The following NAV1 variants were observed in gnomAD, a reference collection of about 807,000 sequenced individuals.
The protein encoded by NAV1 is neuron navigator 1, also known as pore membrane and/or filament interacting like protein 3.
A neutral mutation model predicts 175.2 loss-of-function variants in NAV1; 18 were observed. The observed-to-expected ratio is 0.10, with a 90% CI of 0.07 to 0.15. NAV1 has a LOEUF of 0.15. Ranked by LOEUF, NAV1 falls within the 10% of genes least tolerant of loss-of-function variation. The pLI is 1.00. For synonymous variants in NAV1, 897 were observed against 978.7 expected, an observed-to-expected ratio of 0.92 and a Z score of 1.56; for missense variants, 1,731 against 2,436.6, an observed-to-expected ratio of 0.71 and a Z score of 6.10.
intron 1 of NAV1, among the ~76,000 whole-genome samples, chr1:201,667,026 G>C (rs906785246): frequency 3.3e-5 from 5 of 152,192 alleles, no homozygotes; most frequent in African/African-American, 1.2e-4. Context: ...ATTCACCTGA[G>C]AGTGTGGGCG....
At chr1:201,742,580 A>C (rs1445952614) in intron 3 of NAV1, among the ~76,000 whole-genome samples, 1 of 152,078 alleles carries the variant, frequency 6.6e-6, no homozygotes, top group Non-Finnish European at 1.5e-5. Flanking sequence ...CCAAGCATGA[A>C]GTCCAGGCAT....
At position 201,810,881 on chromosome 1, in the gene NAV1, C is replaced by A. The variant is rs777731109; in HGVS notation, c.4797+123C>A. On this transcript the variant is annotated intron_variant, in intron 24 of 29. Transcript: ENST00000367296. The surrounding 1 kb of genome is among the most constrained non-coding windows in gnomAD (Gnocchi z 6.0). ...TCACCTCTGCCTTCATCTTTCTTCT[C>A]TTCTGTGTTCATTTCCTTCCCTCTC... is the stretch of plus-strand genomic sequence containing the variant. 3 of 697,598 alleles carry A rather than the reference C, an allele frequency of 4.3e-6. No homozygotes were observed. The highest frequency in any genetic ancestry group is 7.3e-6 in the Non-Finnish European group (3 of 413,690). 43.2% of individuals were successfully genotyped at this position (697,598 alleles called of 1,614,324 possible).
intron 1 of NAV1, among the ~76,000 whole-genome samples, chr1:201,675,171 G>A (rs751471299): frequency 8.6e-5 from 13 of 152,040 alleles, no homozygotes; most frequent in Admixed American, 3.3e-4. Flanking sequence ...TAGAGGGAAC[G>A]GCCTCCAGAC....
Position 201,740,015 on chromosome 1 carries a change from C to A in NAV1, c.1226+21260C>A. On this transcript the variant is annotated intron_variant, in intron 3 of 29. Transcript: ENST00000367296. This position sits in a 1 kb window ranked among gnomAD's most constrained non-coding sequence, Gnocchi z 4.7. The stretch of plus-strand genomic sequence containing the variant: ...CCCACCCGGTGAATGGCCGCCTGAG[C>A]CGGGGAAGATGCTTCATCTGCCCCT... 6.8e-7 allele frequency: 1 copy of A among 1,480,224 alleles called. No individual in the cohort carries two copies. Among genetic ancestry groups the A allele is most frequent in the Non-Finnish European group, 9.0e-7 (1 of 1,112,676 alleles). The allele number at this position is 1,480,224 out of a possible 1,614,324, so 91.7% of individuals were successfully genotyped here.
rs760555561 is a variant in NAV1, at chr1:201,793,866, C to T, written c.3396C>T (p.Ala1132=). ...GCCTGCGACACCTGGCAGAGACGGC[C>T]GAGGAGAAGGTGAGAGGCCTGGGAA... is the stretch of plus-strand genomic sequence containing the variant. The change falls in exon 14 of 30, where the codon GCC becomes GCT. Residue 1132 remains alanine (A), a synonymous_variant. Coordinates refer to ENST00000367296, the Ensembl canonical transcript of NAV1. 2.7e-5 allele frequency: 33 copies of T among 1,222,198 alleles called. 1 individual carries two copies. In the Middle Eastern group the frequency reaches 2.0e-3, roughly 73 times the overall value. The allele number at this position is 1,222,198 out of a possible 1,614,324, so 75.7% of individuals were successfully genotyped here.
Position 201,810,432 on chromosome 1 carries a change from G to A in NAV1, c.4562-91G>A. On this transcript the variant is annotated intron_variant, in intron 23 of 29. Coordinates refer to ENST00000367296, the Ensembl canonical transcript of NAV1. The surrounding 1 kb of genome is among the most constrained non-coding windows in gnomAD (Gnocchi z 6.0). ...AAGTGGCTCTGAGTTTCTTCAGGGG[G>A]CTCCTAGATAAAGAAAGAAAAGCCC... 3 of 1,227,458 alleles carry A rather than the reference G, an allele frequency of 2.4e-6. No homozygotes were observed. Among genetic ancestry groups the A allele is most frequent in the Non-Finnish European group, 3.4e-6 (3 of 880,996 alleles). The allele number at this position is 1,227,458 out of a possible 1,614,324, so 76.0% of individuals were successfully genotyped here. A position where few individuals can be genotyped will look rare whatever the true frequency, so the allele number is the denominator to read the frequency against.
chr1:201,646,650 C>T (rs538194975), upstream of NAV1, among the ~76,000 whole-genome samples: 1 of 152,248 alleles, frequency 6.6e-6, no homozygotes, highest in South Asian at 2.1e-4. Flanking sequence ...CTGCTATGAT[C>T]CCTGTCACGG....
chr1:201,558,640 C>CG (rs1193778429), intron 1 of NAV1, among the ~76,000 whole-genome samples: 8 of 152,036 alleles, frequency 5.3e-5, no homozygotes, highest in African/African-American at 1.4e-4. Context: ...TTGGTAGAGA[C>CG]GGGGTCTCAC....
At chr1:201,760,371 A>G (rs867425387) in intron 3 of NAV1, among the ~76,000 whole-genome samples, 1 of 152,242 alleles carries the variant, frequency 6.6e-6, no homozygotes, top group Admixed American at 6.5e-5. Context: ...AAACTTTTTT[A>G]AAAAAGAATA....
At chr1:201,775,439 C>T (rs1160663082) in intron 3 of NAV1, among the ~76,000 whole-genome samples, 1 of 152,212 alleles carries the variant, frequency 6.6e-6, no homozygotes, top group Non-Finnish European at 1.5e-5. Context: ...AGTCCAATCT[C>T]ATCTCCCTAT....
intron 1 of NAV1, among the ~76,000 whole-genome samples, chr1:201,680,490 G>A (rs1004766203): frequency 1.3e-5 from 2 of 151,992 alleles, no homozygotes; most frequent in East Asian, 1.9e-4. Context: ...TGGGCAACAA[G>A]AGAGAAACTC....
At position 201,613,137 on chromosome 1, in the gene NAV1, G is replaced by A. The variant is rs935058905; in HGVS notation, c.-32-9716G>A. ...TCTGTCCATTTCCTGTCTCTGAACAGGTTGCATCTAAGTCATCTTCATGTA... is the reference window on the plus strand; with the variant it reads ...TCTGTCCATTTCCTGTCTCTGAACAAGTTGCATCTAAGTCATCTTCATGTA... On this transcript the variant is annotated intron_variant, in intron 2 of 33. Transcript: ENST00000685211. 1.8e-4 allele frequency among the ~76,000 whole-genome samples: 28 copies of A among 152,130 alleles called. 1 individual carries two copies.
intron 1 of NAV1, among the ~76,000 whole-genome samples, chr1:201,711,225 A>C (rs1314334522): frequency 6.6e-6 from 1 of 152,208 alleles, no homozygotes; most frequent in Non-Finnish European, 1.5e-5. Flanking sequence ...ACCAGCATGG[A>C]GGCCTGGATT....
At chr1:201,614,227 T>C (rs1191659676) in intron 2 of NAV1, among the ~76,000 whole-genome samples, 1 of 152,226 alleles carries the variant, frequency 6.6e-6, no homozygotes, top group Admixed American at 6.5e-5. Context: ...ATCCAACCCC[T>C]AGATGCTCTG....
chr1:201,758,913 T>C (rs529633060), intron 3 of NAV1, among the ~76,000 whole-genome samples: 2 of 152,370 alleles, frequency 1.3e-5, no homozygotes, highest in South Asian at 4.1e-4. Context: ...TCTTACTAGC[T>C]GTGGGCCCTT....
In NAV1 at chr1:201,623,611, G is replaced by A. The variant is rs1367401372; in HGVS notation, c.-101+5G>A. The A allele has an allele frequency of 3.0e-6, 3 of 986,272 alleles. No individual in the cohort carries two copies. The African/African-American group carries it at 5.2e-5, about 17-fold the overall frequency. 61.1% of individuals were successfully genotyped at this position (986,272 alleles called of 1,614,324 possible). ...GGTGGCCCCCTTCCAGTACAGGTGA[G>A]CTGGGGAGCAGGCAGGGAGGGAAGG... On this transcript the variant is annotated splice_donor_5th_base_variant and intron_variant, in intron 1 of 29. Transcript: ENST00000367302.
At chr1:201,744,684 G>A (rs1673657602) in intron 3 of NAV1, among the ~76,000 whole-genome samples, 1 of 152,148 alleles carries the variant, frequency 6.6e-6, no homozygotes, top group Non-Finnish European at 1.5e-5. Flanking sequence ...GCTTCCTAGA[G>A]GAGGCAGCAT....
At chr1:201,600,751 A>G (rs971660989) in intron 2 of NAV1, among the ~76,000 whole-genome samples, 1 of 152,176 alleles carries the variant, frequency 6.6e-6, no homozygotes, top group Admixed American at 6.5e-5. Context: ...CTGATCCCTC[A>G]GTCCTAGTAA....
At chr1:201,582,688 G>T (rs1666901966) in intron 1 of NAV1, among the ~76,000 whole-genome samples, 1 of 152,242 alleles carries the variant, frequency 6.6e-6, no homozygotes, top group African/African-American at 2.4e-5. Context: ...GCATGATTCT[G>T]CAGTGTCTGG....
Sources: allele counts gnomAD v4.1 joint callset (sites outside exome capture counted in the v4.1 genomes callset), GRCh38; gene constraint gnomAD v4.1.1; non-coding constraint Gnocchi (gnomAD v3.1); transcripts MANE v1.5; gene names NCBI Gene and HGNC (gene_info 2026-07-23, HGNC 2026-07-21).